Variants in MOGAT2 observed in about 807,000 individuals in gnomAD.
MOGAT2 encodes monoacylglycerol O-acyltransferase 2.
In MOGAT2, 27 loss-of-function variants were observed where a neutral mutation model predicts 31.5. That is an observed-to-expected ratio of 0.86 (90% confidence interval 0.63 to 1.18). MOGAT2 has a LOEUF of 1.18. Ranked by LOEUF, MOGAT2 falls within the 50% of genes most tolerant of loss-of-function variation. The pLI, the probability that MOGAT2 is intolerant of heterozygous loss-of-function variation, is 0.00. For missense variants in MOGAT2, 436 were observed against 433.2 expected (o/e 1.01, Z -0.06); for synonymous variants, 163 against 170.0 (o/e 0.96, Z 0.32).
chr11:75,727,560 C>G lies in MOGAT2; in HGVS notation c.396C>G (p.Phe132Leu). Residue 132 changes from phenylalanine to leucine, a missense_variant, in exon 3 of 6, where the codon TTC (phenylalanine) becomes TTG (leucine). Physicochemically the swap from Phe to Leu is conservative, Grantham distance 22. Coordinates refer to ENST00000198801, the MANE Select transcript of MOGAT2 (RefSeq NM_025098.4). The stretch of plus-strand genomic sequence containing the variant: ...AGAGCACAGGCTTCTCTTCGATCTT[C>G]CCCGGTATCCGCCCCCATCTGATGA... ...CTESTGFSSIFPGIRPHLMML... is the reference protein window; with the variant it reads ...CTESTGFSSILPGIRPHLMML... 6.2e-7 allele frequency: 1 copy of G among 1,614,206 alleles called. No individual in the cohort carries two copies. The highest frequency in any genetic ancestry group is 8.5e-7 in the Non-Finnish European group (1 of 1,180,030).
In MOGAT2 at chr11:75,729,740, C is replaced by CTTT. The variant is rs543037592; in HGVS notation, c.850+761_850+763dup. Among the ~76,000 whole-genome samples the CTTT allele has an allele frequency of 6.9e-3, 837 of 121,276 alleles. 48 individuals are homozygous for CTTT. The highest frequency in any genetic ancestry group is 8.7e-3 in the African/African-American group (262 of 29,976). The allele number at this position is 121,276 out of a possible 152,430, so 79.6% of individuals were successfully genotyped here. On this transcript the variant is annotated intron_variant, in intron 5 of 5. Transcript: ENST00000198801. ...AATGCCAGAGAAGGAGGGTTTAATTCTTTTTTTTTTTTGTTTTTTTTTGAG... is the reference window on the plus strand; with the variant it reads ...AATGCCAGAGAAGGAGGGTTTAATTCTTTTTTTTTTTTTTTGTTTTTTTTTGAG...
chr11:75,730,022 G>A (rs1231225249), intron 5 of MOGAT2, among the ~76,000 whole-genome samples: 2 of 152,196 alleles, frequency 1.3e-5, no homozygotes, highest in African/African-American at 4.8e-5. Context: ...TGGGATTACA[G>A]GCATAAGCCA....
intron 5 of MOGAT2, among the ~76,000 whole-genome samples, chr11:75,730,462 A>T (rs1944465841): frequency 6.6e-6 from 1 of 152,266 alleles, no homozygotes; most frequent in Non-Finnish European, 1.5e-5. Flanking sequence ...AAAACCTGGC[A>T]GTGGTTCTTC....
At chr11:75,727,367 C>A in intron 2 of MOGAT2, 68 bp from the exon 3 acceptor site, 1 of 1,488,054 alleles carries the variant, frequency 6.7e-7, no homozygotes, top group Non-Finnish European at 9.2e-7. Flanking sequence ...AAGGTCACAC[C>A]AGTGAGTGGC....
In MOGAT2 at chr11:75,732,041, C is replaced by T. The variant is rs58443332; in HGVS notation, c.*755C>T. 0.052 allele frequency: 7,986 copies of T among 152,398 alleles called. 659 individuals carry two copies. Among genetic ancestry groups the T allele is most frequent in the African/African-American group, 0.18 (7,426 of 41,540 alleles). The allele number at this position is 152,398 out of a possible 1,614,324, so 9.4% of individuals were successfully genotyped here. A position where few individuals can be genotyped will look rare whatever the true frequency, so the allele number is the denominator to read the frequency against. ...CTACTCAGCATCCTTCCATGACCCT[C>T]CATTGCTCCTAGGATAGGGTTTGGA... On this transcript the variant is annotated 3_prime_UTR_variant, in exon 6 of 6. Coordinates refer to ENST00000198801, the MANE Select transcript of MOGAT2 (RefSeq NM_025098.4).
In MOGAT2 at chr11:75,727,525, C is replaced by A. The variant is rs143893389; in HGVS notation, c.361C>A (p.Leu121Met). Reference sequence around the variant, plus strand: ...CCTGGCAGTCGGAGCCTTTGCCAACCTGTGCACTGAGAGCACAGGCTTCTC... The same window carrying A: ...CCTGGCAGTCGGAGCCTTTGCCAACATGTGCACTGAGAGCACAGGCTTCTC... ...GVLAVGAFAN[L>M]CTESTGFSSI... Residue 121 changes from leucine (L) to methionine (M), a missense_variant, in exon 3 of 6, where the codon CTG (leucine) becomes ATG (methionine). Coordinates refer to ENST00000198801, the MANE Select transcript of MOGAT2 (RefSeq NM_025098.4). 56 of 1,614,196 alleles carry A rather than the reference C, an allele frequency of 3.5e-5. No individual in the cohort carries two copies. Among genetic ancestry groups the A allele is most frequent in the South Asian group, 2.2e-4 (20 of 91,088 alleles).
At chr11:75,718,017 A>G in intron 1 of MOGAT2, 38 bp downstream of exon 1, 2 of 1,597,210 alleles carry the variant, frequency 1.3e-6, no homozygotes, top group South Asian at 1.1e-5. Context: ...AGACCACCGC[A>G]CTCAGGTGGG....
rs138246335 is a variant in MOGAT2 at position 75,719,993 on chromosome 11, C to T, written c.93C>T (p.Ala31=). The change falls in exon 2 of 6, where the codon GCC becomes GCT. Residue 31 remains alanine, a splice_region_variant and synonymous_variant. Transcript: ENST00000198801. ...GACAGCTCCTTCTTCCCTCCCCAGC[C>T]GAGATCTGCACTGTGGGCTTCATAG... ...LQFVFSFLAL[A]EICTVGFIAL... is the part of the protein sequence containing the mutation. 212 of 1,613,358 alleles carry T rather than the reference C, an allele frequency of 1.3e-4. 1 individual carries two copies. In the East Asian group the frequency reaches 1.3e-3, roughly 10 times the overall value.
intron 2 of MOGAT2, among the ~76,000 whole-genome samples, chr11:75,720,967 C>T (rs750800496): frequency 6.6e-6 from 1 of 152,144 alleles, no homozygotes; most frequent in Non-Finnish European, 1.5e-5. Flanking sequence ...AAGCCTTGAT[C>T]TATGCAGCCA....
At chr11:75,718,056 C>T (rs944746353) in intron 1 of MOGAT2, 77 bp downstream of exon 1, 2 of 1,354,592 alleles carry the variant, frequency 1.5e-6, no homozygotes, top group East Asian at 4.7e-5. Flanking sequence ...GTGCACACAG[C>T]ACATTGATGG....
chr11:75,730,240 C>G (rs180762354), intron 5 of MOGAT2, among the ~76,000 whole-genome samples: 1 of 152,200 alleles, frequency 6.6e-6, no homozygotes, highest in Admixed American at 6.5e-5. Flanking sequence ...CCCAGCCAGG[C>G]AGAACCAGAG....
At chr11:75,723,031 G>T (rs1235806271) in intron 2 of MOGAT2, among the ~76,000 whole-genome samples, 5 of 151,964 alleles carry the variant, frequency 3.3e-5, no homozygotes, top group Non-Finnish European at 7.4e-5. Context: ...GCGTGATCTC[G>T]GCTCACTGCA....
At position 75,730,036 on chromosome 11, in the gene MOGAT2, C is replaced by T. The variant is rs545990162; in HGVS notation, c.850+1047C>T. 7.9e-5 allele frequency among the ~76,000 whole-genome samples: 12 copies of T among 152,262 alleles called. No individual in the cohort carries two copies. The South Asian group carries it at 8.3e-4, about 10-fold the overall frequency. ...CTGGGATTACAGGCATAAGCCACCA[C>T]GCCTGGCCTCCGACAGACTTTATAG... On this transcript the variant is annotated intron_variant, in intron 5 of 5. Transcript: ENST00000198801.
At chr11:75,719,702 A>G in intron 1 of MOGAT2, 1 of 425,878 alleles carries the variant, frequency 2.3e-6, no homozygotes, top group Non-Finnish European at 4.3e-6. Context: ...GAGGACAGGC[A>G]GGGGATGGAG....
intron 1 of MOGAT2, among the ~76,000 whole-genome samples, chr11:75,718,640 C>G (rs1450679665): frequency 6.6e-6 from 1 of 152,174 alleles, no homozygotes; most frequent in Non-Finnish European, 1.5e-5. Flanking sequence ...TTGGCACAGA[C>G]CTGGCCTGGA....
intron 5 of MOGAT2, among the ~76,000 whole-genome samples, chr11:75,729,232 A>G (rs531519365): frequency 6.6e-6 from 1 of 152,354 alleles, no homozygotes; most frequent in Non-Finnish European, 1.5e-5. Context: ...CAGGCACTAC[A>G]CTAGCTGCCC....
At chr11:75,719,649 G>A (rs1199733835) in intron 1 of MOGAT2, 1 of 248,808 alleles carries the variant, frequency 4.0e-6, no homozygotes. Context: ...TGTCCCCATT[G>A]ATTGAGCACT....
chr11:75,730,930 G>GA (rs1427738846), intron 5 of MOGAT2: 58 of 183,962 alleles, frequency 3.2e-4, no homozygotes, highest in Non-Finnish European at 4.9e-4. Flanking sequence ...AAAAAAAAAA[G>GA]AAAAGAAAAG....
intron 1 of MOGAT2, chr11:75,719,495 G>T (rs1340201051): frequency 1.9e-5 from 3 of 156,284 alleles, no homozygotes; most frequent in African/African-American, 7.2e-5. Context: ...GGGAAGTCAT[G>T]AAGGGCTTGA....
Sources: gnomAD v4.1 joint callset for allele counts (sites outside exome capture counted in the v4.1 genomes callset) on GRCh38, gnomAD v4.1.1 for gene constraint, MANE v1.5 for transcripts, NCBI Gene and HGNC (gene_info 2026-07-23, HGNC 2026-07-21) for gene names.